The following KCND2 variants were observed in gnomAD, a reference collection of about 807,000 sequenced individuals.
KCND2 encodes A-type voltage-gated potassium channel KCND2.
KCND2 carries 16 observed loss-of-function variants against 54.4 expected under a neutral mutation model. The ratio of observed to expected loss-of-function variants is 0.29; its 90% CI spans 0.20 to 0.45. The LOEUF (loss-of-function observed/expected upper bound fraction) is 0.45. Ranked by LOEUF, KCND2 falls within the 20% of genes least tolerant of loss-of-function variation. The pLI is 1.00. For missense variants in KCND2, 486 were observed against 824.2 expected (o/e 0.59, Z 5.02); for synonymous variants, 317 against 310.7 (o/e 1.02, Z -0.21).
At chr7:120,318,931 C>T (rs1183807015) in intron 1 of KCND2, among the ~76,000 whole-genome samples, 3 of 151,928 alleles carry the variant, frequency 2.0e-5, no homozygotes, top group Admixed American at 6.6e-5. Flanking sequence ...ACAAACTAAC[C>T]TTATGGTAAA....
chr7:120,359,960 C>T (rs1308783986), intron 1 of KCND2, among the ~76,000 whole-genome samples: 3 of 152,080 alleles, frequency 2.0e-5, no homozygotes, highest in African/African-American at 4.8e-5. Flanking sequence ...TTCCTGAGGA[C>T]TGCTCAGCAA....
intron 1 of KCND2, among the ~76,000 whole-genome samples, chr7:120,436,524 G>A (rs780084613): frequency 1.3e-5 from 2 of 152,154 alleles, no homozygotes; most frequent in Non-Finnish European, 2.9e-5. Context: ...TCTGTATTTT[G>A]CTCTTGCTAA....
In KCND2 at chr7:120,294,929, GC is replaced by G. The variant is rs145248434; in HGVS notation, c.1115+19184del. Among the ~76,000 whole-genome samples, 12 of 151,344 alleles carry G rather than the reference GC, an allele frequency of 7.9e-5. No individual in the cohort carries two copies. In the East Asian group the frequency reaches 2.3e-3, roughly 30 times the overall value. ...GTATCTTTAATTATCTTTTACTCTTGCCTAGGTTAGAAACTCTTGAAGGTCA... is the reference window on the plus strand; with the variant it reads ...GTATCTTTAATTATCTTTTACTCTTGCTAGGTTAGAAACTCTTGAAGGTCA... On this transcript the variant is annotated intron_variant, in intron 1 of 5. Coordinates refer to ENST00000331113, the MANE Select transcript of KCND2 (RefSeq NM_012281.3).
chr7:120,331,044 T>G (rs1270325008), intron 1 of KCND2, among the ~76,000 whole-genome samples: 2 of 152,122 alleles, frequency 1.3e-5, no homozygotes, highest in African/African-American at 2.4e-5. Context: ...TCTTTGTTCT[T>G]TCTTAATCAT....
intron 1 of KCND2, among the ~76,000 whole-genome samples, chr7:120,625,206 C>T (rs76405218): frequency 2.0e-4 from 30 of 152,000 alleles, no homozygotes; most frequent in African/African-American, 7.0e-4. Context: ...CACTTAGATC[C>T]GATGAAGTAG....
chr7:120,641,537 TC>T (rs1793375329), intron 1 of KCND2, among the ~76,000 whole-genome samples: 1 of 152,148 alleles, frequency 6.6e-6, no homozygotes, highest in African/African-American at 2.4e-5. Flanking sequence ...TAATTGGACT[TC>T]CACCTGGGCT....
At chr7:120,307,000 C>T (rs762275107) in intron 1 of KCND2, among the ~76,000 whole-genome samples, 13 of 151,980 alleles carry the variant, frequency 8.6e-5, no homozygotes, top group Non-Finnish European at 1.6e-4. Flanking sequence ...AAAGATTATT[C>T]AGGCCTAAAT....
intron 1 of KCND2, among the ~76,000 whole-genome samples, chr7:120,622,022 A>T (rs1793105665): frequency 2.0e-5 from 3 of 149,690 alleles, no homozygotes; most frequent in African/African-American, 4.9e-5. Context: ...TTTCTCAAAG[A>T]CTCTTTTCTT....
intron 1 of KCND2, among the ~76,000 whole-genome samples, chr7:120,589,131 A>G (rs1237199452): frequency 6.6e-6 from 1 of 152,218 alleles, no homozygotes; most frequent in Non-Finnish European, 1.5e-5. Flanking sequence ...GAACTCAGTC[A>G]TGCAATAGCT....
intron 1 of KCND2, among the ~76,000 whole-genome samples, chr7:120,446,370 T>A (rs1802018921): frequency 6.6e-6 from 1 of 152,188 alleles, no homozygotes; most frequent in Non-Finnish European, 1.5e-5. Context: ...AGTTGATCCT[T>A]AACAAATAAT....
rs1034361186 is a variant in KCND2 at position 120,274,087 on chromosome 7, C to T, written c.-546C>T. ...TGGGGCAGCGGCTGTGACCGCATCT[C>T]CTGAGCTACAACAACAGGTCGCCTT... On this transcript the variant is annotated 5_prime_UTR_variant, in exon 1 of 6. Coordinates refer to ENST00000331113, the MANE Select transcript of KCND2 (RefSeq NM_012281.3). 2 of 159,676 alleles carry T rather than the reference C, an allele frequency of 1.3e-5. No homozygotes were observed. The highest frequency in any genetic ancestry group is 4.8e-5 in the African/African-American group (2 of 41,478). The allele number at this position is 159,676 out of a possible 1,614,324, so 9.9% of individuals were successfully genotyped here. A position where few individuals can be genotyped will look rare whatever the true frequency, so the allele number is the denominator to read the frequency against.
rs374091534 is a variant in KCND2 at position 120,733,082 on chromosome 7, G to A, written c.1278+17G>A. On this transcript the variant is annotated intron_variant, in intron 2 of 5. Transcript: ENST00000331113. ...GCACAAAAGGTGCGTATTCAACTCC[G>A]TGCAACCATGGTTTAGCACTTCCCA... 177 of 1,612,718 alleles carry A rather than the reference G, an allele frequency of 1.1e-4. 1 individual carries two copies. The highest frequency in any genetic ancestry group is 8.1e-4 in the South Asian group (74 of 91,056).
chr7:120,607,448 T>C (rs957769881), intron 1 of KCND2, among the ~76,000 whole-genome samples: 11 of 152,150 alleles, frequency 7.2e-5, no homozygotes, highest in Non-Finnish European at 1.3e-4. Context: ...CTCAATTTTA[T>C]TTTCTGGTAC....
At chr7:120,556,397 A>G (rs761977132) in intron 1 of KCND2, among the ~76,000 whole-genome samples, 1 of 152,210 alleles carries the variant, frequency 6.6e-6, no homozygotes, top group Non-Finnish European at 1.5e-5. Context: ...ATGCATAATT[A>G]CAGAGAAGAG....
At chr7:120,727,504 A>T (rs944640238) in intron 1 of KCND2, among the ~76,000 whole-genome samples, 1 of 152,226 alleles carries the variant, frequency 6.6e-6, no homozygotes, top group Non-Finnish European at 1.5e-5. Flanking sequence ...AGAACTTTGC[A>T]TGAAAATTTT....
Position 120,560,202 on chromosome 7 carries a change from A to G in KCND2, c.1116-172701A>G, listed in dbSNP as rs560892245. Among the ~76,000 whole-genome samples, 16 of 152,316 alleles carry G rather than the reference A, an allele frequency of 1.1e-4. No homozygotes were observed. The East Asian group carries it at 3.1e-3, about 29-fold the overall frequency. ...GATATAAACACTGCTTAGTTTCCAC[A>G]GAAAAATATTTTTCCAAAGTCCCAG... On this transcript the variant is annotated intron_variant, in intron 1 of 5. Transcript: ENST00000331113.
chr7:120,594,183 T>C (rs1350155628), intron 1 of KCND2, among the ~76,000 whole-genome samples: 2 of 152,196 alleles, frequency 1.3e-5, no homozygotes, highest in Non-Finnish European at 1.5e-5. Flanking sequence ...TGACCAAATA[T>C]AAAGTTTTAA....
chr7:120,567,709 T>C (rs1333786078), intron 1 of KCND2, among the ~76,000 whole-genome samples: 1 of 152,132 alleles, frequency 6.6e-6, no homozygotes, highest in Non-Finnish European at 1.5e-5. Context: ...GTATATTATT[T>C]TCATTAAGAT....
chr7:120,351,836 G>A (rs1800412668), intron 1 of KCND2, among the ~76,000 whole-genome samples: 1 of 147,294 alleles, frequency 6.8e-6, no homozygotes, highest in South Asian at 2.1e-4. Flanking sequence ...TTTTGAGACA[G>A]TGTCTCATTC....
Sources: allele counts gnomAD v4.1 joint callset (sites outside exome capture counted in the v4.1 genomes callset), GRCh38; gene constraint gnomAD v4.1.1; transcripts MANE v1.5; gene names NCBI Gene and HGNC (gene_info 2026-07-23, HGNC 2026-07-21).